ANO6: variants seen among roughly 807,000 people sequenced by gnomAD.
ANO6 encodes anoctamin 6, also known as anoctamin-6.
ANO6 carries 106 observed loss-of-function variants against 117.5 expected under a neutral mutation model. The ratio of observed to expected loss-of-function variants is 0.90; its 90% CI spans 0.77 to 1.06. ANO6 has a LOEUF of 1.06. Ranked by LOEUF, ANO6 falls within the 50% of genes least tolerant of loss-of-function variation. The probability of loss-of-function intolerance (pLI) is 0.00; values close to 1 mark genes in which losing one functional copy is unlikely to be tolerated. For synonymous variants in ANO6, 367 were observed against 385.1 expected, an observed-to-expected ratio of 0.95 and a Z score of 0.55; for missense variants, 955 against 1,121.1, an observed-to-expected ratio of 0.85 and a Z score of 2.12.
intron 10 of ANO6, among the ~76,000 whole-genome samples, chr12:45,387,268 A>G (rs904531592): frequency 6.6e-6 from 1 of 152,220 alleles, no homozygotes; most frequent in Non-Finnish European, 1.5e-5. Flanking sequence ...TAAAGTTAAA[A>G]ATTCTGAAAA....
chr12:45,361,141 A>G (rs921015706), intron 8 of ANO6, among the ~76,000 whole-genome samples: 10 of 152,160 alleles, frequency 6.6e-5, no homozygotes, highest in Non-Finnish European at 1.5e-4. Flanking sequence ...GAGTATTGCC[A>G]TCTTAACAAT....
At chr12:45,320,302 G>C (rs1940213717) in intron 2 of ANO6, among the ~76,000 whole-genome samples, 1 of 152,024 alleles carries the variant, frequency 6.6e-6, no homozygotes, top group African/African-American at 2.4e-5. Context: ...GTGTCCCAGA[G>C]ATTCTGGTAT....
At chr12:45,355,691 C>T (rs780923903) in intron 7 of ANO6, among the ~76,000 whole-genome samples, 7 of 152,180 alleles carry the variant, frequency 4.6e-5, no homozygotes, top group Non-Finnish European at 1.0e-4. Context: ...GTGTTCCTCC[C>T]ATCTCCCGAT....
chr12:45,411,003 A>G (rs1943072730), intron 16 of ANO6, among the ~76,000 whole-genome samples: 1 of 152,116 alleles, frequency 6.6e-6, no homozygotes, highest in Admixed American at 6.5e-5. Flanking sequence ...AGCTGTCCTT[A>G]GTTAGTTATT....
chr12:45,268,162 A>T (rs1938281065), intron 1 of ANO6, among the ~76,000 whole-genome samples: 1 of 152,188 alleles, frequency 6.6e-6, no homozygotes, highest in South Asian at 2.1e-4. Flanking sequence ...TCACCTATTA[A>T]CAGGCGTGTA....
chr12:45,354,104 A>G (rs2137465104), intron 7 of ANO6, among the ~76,000 whole-genome samples: 1 of 152,280 alleles, frequency 6.6e-6, no homozygotes. Context: ...GAAGAACTGA[A>G]CATCATGAGT....
At chr12:45,380,236 T>C (rs1189788951) in intron 10 of ANO6, among the ~76,000 whole-genome samples, 2 of 152,170 alleles carry the variant, frequency 1.3e-5, no homozygotes, top group African/African-American at 2.4e-5. Flanking sequence ...CACCAACCCA[T>C]GGTTGAAGTA....
rs745600483 is a variant in ANO6, at chr12:45,429,281, A to C, written c.2703A>C (p.Val901=). The C allele has an allele frequency of 6.2e-7, 1 of 1,613,798 alleles. No homozygotes were observed. The highest frequency in any genetic ancestry group is 2.2e-5 in the East Asian group (1 of 44,816). The change falls in exon 20 of 20, where the codon GTA becomes GTC. Residue 901 remains valine (V), a synonymous_variant. Transcript: ENST00000320560. ...GVIAERMIEA[V]DNNLRPKSE ...TAGCTGAGCGGATGATAGAAGCAGT[A>C]GATAACAATTTACGGCCAAAATCAG...
intron 1 of ANO6, among the ~76,000 whole-genome samples, chr12:45,226,084 A>G (rs965990604): frequency 2.6e-5 from 4 of 152,362 alleles, no homozygotes; most frequent in South Asian, 2.1e-4. Flanking sequence ...GAATACTGGT[A>G]GATGAGTATG....
At chr12:45,328,273 CTA>C (rs1940539742) in intron 2 of ANO6, among the ~76,000 whole-genome samples, 1 of 152,114 alleles carries the variant, frequency 6.6e-6, no homozygotes, top group African/African-American at 2.4e-5. Flanking sequence ...TCCAGAGTTA[CTA>C]TGTTACTTCC....
chr12:45,337,771 G>A lies in ANO6; in HGVS notation c.279+6348G>A, dbSNP rs1940868397. On this transcript the variant is annotated intron_variant, in intron 3 of 19. Coordinates refer to ENST00000320560, the MANE Select transcript of ANO6 (RefSeq NM_001025356.3). ...TAATATATTCTTGAAAACTGCTAAG[G>A]AGTAGATTTTAAGTGTTTTTACCAC... Among the ~76,000 whole-genome samples the A allele has an allele frequency of 2.0e-5, 3 of 151,934 alleles. No individual in the cohort carries two copies. In the South Asian group the frequency reaches 6.2e-4, roughly 32 times the overall value.
chr12:45,432,085 G>A lies in ANO6; in HGVS notation c.*2774G>A, dbSNP rs1943645464. 2.0e-6 allele frequency: 2 copies of A among 985,216 alleles called. No individual in the cohort carries two copies. The highest frequency in any genetic ancestry group is 3.5e-5 in the African/African-American group (2 of 57,192). 61.0% of individuals were successfully genotyped at this position (985,216 alleles called of 1,614,324 possible). A position where few individuals can be genotyped will look rare whatever the true frequency, so the allele number is the denominator to read the frequency against. ...CATAAAACATTAATTCACAATGGGGGTCAGAATGTACTCTTGTTGAAACAC... is the reference window on the plus strand; with the variant it reads ...CATAAAACATTAATTCACAATGGGGATCAGAATGTACTCTTGTTGAAACAC... On this transcript the variant is annotated 3_prime_UTR_variant, in exon 20 of 20. Transcript: ENST00000320560.
At chr12:45,312,625 A>G (rs942682812) in intron 2 of ANO6, among the ~76,000 whole-genome samples, 2 of 152,086 alleles carry the variant, frequency 1.3e-5, no homozygotes, top group Admixed American at 6.6e-5. Flanking sequence ...CATCTTTACT[A>G]TAAGTCTCAA....
At chr12:45,274,996 T>C (rs1209624263) in intron 1 of ANO6, among the ~76,000 whole-genome samples, 2 of 151,756 alleles carry the variant, frequency 1.3e-5, no homozygotes, top group African/African-American at 4.8e-5. Flanking sequence ...CTGAAATTAG[T>C]ATATGTACAT....
At chr12:45,236,297 A>G (rs1237111027) in intron 1 of ANO6, among the ~76,000 whole-genome samples, 1 of 152,164 alleles carries the variant, frequency 6.6e-6, no homozygotes, top group Non-Finnish European at 1.5e-5. Flanking sequence ...TTTGTTACAT[A>G]GGTATACATG....
intron 1 of ANO6, chr12:45,293,075 T>TTG: frequency 8.0e-7 from 1 of 1,249,984 alleles, no homozygotes; most frequent in Non-Finnish European, 1.1e-6. Flanking sequence ...TTAGTCTGCT[T>TTG]TGTGTGTGTG....
intron 1 of ANO6, among the ~76,000 whole-genome samples, chr12:45,241,020 T>TA (rs943811690): frequency 6.6e-6 from 1 of 152,186 alleles, no homozygotes; most frequent in Non-Finnish European, 1.5e-5. Flanking sequence ...ATCTGACAAT[T>TA]ATGTGTCTTG....
At chr12:45,220,712 T>C (rs1486195852) in intron 1 of ANO6, among the ~76,000 whole-genome samples, 1 of 152,256 alleles carries the variant, frequency 6.6e-6, no homozygotes, top group African/African-American at 2.4e-5. Context: ...GGTAAGTGTC[T>C]TTTTGTATGC....
intron 15 of ANO6, 111 bp from the exon 16 acceptor site, chr12:45,409,246 A>G: frequency 2.8e-6 from 4 of 1,419,956 alleles, no homozygotes; most frequent in Non-Finnish European, 3.9e-6. Flanking sequence ...GCAAACAAAA[A>G]AATAGTTTAT....
Sources: gnomAD v4.1 joint callset for allele counts (sites outside exome capture counted in the v4.1 genomes callset) on GRCh38, gnomAD v4.1.1 for gene constraint, MANE v1.5 for transcripts, NCBI Gene and HGNC (gene_info 2026-07-23, HGNC 2026-07-21) for gene names.